The following ZNF444 variants were observed in gnomAD, a reference collection of about 807,000 sequenced individuals.
ZNF444 encodes the protein zinc finger protein 444, also known as endothelial zinc finger protein 2.
Under a neutral mutation model 14.4 loss-of-function variants are expected in ZNF444, and 8 were observed. The ratio of observed to expected loss-of-function variants is 0.56; its 90% CI spans 0.33 to 1.00. ZNF444 has a LOEUF of 1.00. Among genes scored for constraint, ZNF444 ranks in the 50% least tolerant of loss-of-function variants. The pLI, the probability that ZNF444 is intolerant of heterozygous loss-of-function variation, is 0.03. For missense variants in ZNF444, 510 were observed against 504.8 expected (o/e 1.01, Z -0.10); for synonymous variants, 258 against 235.9 (o/e 1.09, Z -0.86).
Position 56,160,254 on chromosome 19 carries a change from C to A in ZNF444, c.*53C>A. 1 of 1,351,686 alleles carries A rather than the reference C, an allele frequency of 7.4e-7. No individual in the cohort carries two copies. The highest frequency in any genetic ancestry group is 9.5e-7 in the Non-Finnish European group (1 of 1,047,248). The allele number at this position is 1,351,686 out of a possible 1,614,324, so 83.7% of individuals were successfully genotyped here. ...CCCTTGGTGCTGCCCCCGGGCGGTA[C>A]CTGCTCTCTCCCAGCGCCACTTGGC... On this transcript the variant is annotated 3_prime_UTR_variant, in exon 5 of 5. Coordinates refer to ENST00000337080, the MANE Select transcript of ZNF444 (RefSeq NM_018337.4).
At chr19:56,159,376 T>G (rs1438059129) in intron 4 of ZNF444, among the ~76,000 whole-genome samples, 1 of 151,966 alleles carries the variant, frequency 6.6e-6, no homozygotes, top group African/African-American at 2.4e-5. Context: ...ATTCTTCATC[T>G]ACCCACGCAT....
intron 1 of ZNF444, among the ~76,000 whole-genome samples, chr19:56,142,698 G>C (rs2030911703): frequency 6.6e-6 from 1 of 152,186 alleles, no homozygotes; most frequent in African/African-American, 2.4e-5. Context: ...AGGAGCTCTT[G>C]TTAGTCCTGT....
chr19:56,138,281 A>G (rs1430444755), upstream of ZNF444, among the ~76,000 whole-genome samples: 1 of 152,130 alleles, frequency 6.6e-6, no homozygotes, highest in Non-Finnish European at 1.5e-5. Context: ...GTCAGTCACA[A>G]AAAACAAATA....
At chr19:56,150,690 G>C (rs1413606276) in intron 3 of ZNF444, among the ~76,000 whole-genome samples, 2 of 152,254 alleles carry the variant, frequency 1.3e-5, no homozygotes, top group East Asian at 3.8e-4. Flanking sequence ...ATAAGAGCCT[G>C]GGCGATAGCC....
At chr19:56,133,737 C>T (rs189670760) in intron 1 of ZNF444, among the ~76,000 whole-genome samples, 8,346 of 148,370 alleles carry the variant, frequency 0.056, 344 homozygotes, top group Non-Finnish European at 0.085. Context: ...GGCGTGAACC[C>T]GGAAGGCGGA....
intron 3 of ZNF444, chr19:56,150,482 T>C (rs1454087505): frequency 2.7e-6 from 1 of 365,516 alleles, no homozygotes; most frequent in Non-Finnish European, 5.3e-6. Context: ...TACTCTCTCT[T>C]TTTAATAAGG....
chr19:56,150,630 T>C, intron 3 of ZNF444: 1 of 454,124 alleles, frequency 2.2e-6, no homozygotes, highest in Non-Finnish European at 4.4e-6. Flanking sequence ...TGATACAACA[T>C]GGTCTTAAGT....
chr19:56,132,939 T>TTTTTTC (rs2030519030), intron 1 of ZNF444, among the ~76,000 whole-genome samples: 2 of 119,924 alleles, frequency 1.7e-5, no homozygotes, highest in East Asian at 2.3e-4. Context: ...TTCTTTCTTT[T>TTTTTTC]TTTTTTTTTT....
intron 1 of ZNF444, chr19:56,132,813 C>G (rs1217379052): frequency 1.3e-5 from 2 of 152,202 alleles, no homozygotes; most frequent in African/African-American, 4.8e-5. Flanking sequence ...CCTGTAGGCC[C>G]TGCTCACTCT....
Position 56,159,873 on chromosome 19 carries a change from A to G in ZNF444, c.656A>G (p.Lys219Arg), listed in dbSNP as rs769145306. The change falls in exon 5 of 5, where the codon AAG becomes AGG. Residue 219 changes from lysine (K) to arginine (R), a missense_variant. Transcript: ENST00000337080. ...CPECGKAFRR[K>R]EHLRRHRDTH... ...GAGTGCGGGAAGGCCTTTCGGCGCA[A>G]GGAGCACCTGCGGCGCCACCGCGAC... 1 of 1,534,536 alleles carries G rather than the reference A, an allele frequency of 6.5e-7. No homozygotes were observed. Among genetic ancestry groups the G allele is most frequent in the South Asian group, 1.2e-5 (1 of 83,782 alleles).
At chr19:56,140,280 C>G (rs570405366), upstream of ZNF444, among the ~76,000 whole-genome samples, 15 of 151,698 alleles carry the variant, frequency 9.9e-5, 1 homozygote, top group East Asian at 5.8e-4. Context: ...ACGCTGCGGG[C>G]TGGGGTAGGG....
chr19:56,151,933 G>A (rs2031605905), intron 3 of ZNF444: 1 of 456,944 alleles, frequency 2.2e-6, no homozygotes, highest in South Asian at 1.5e-5. Flanking sequence ...GTCCTCGCCT[G>A]TCCTCAGAGT....
Position 56,144,531 on chromosome 19 carries a change from C to G in ZNF444, c.-196-1716C>G, listed in dbSNP as rs767726569. On this transcript the variant is annotated intron_variant, in intron 1 of 4. Transcript: ENST00000337080. The surrounding 1 kb of genome is among the most constrained non-coding windows in gnomAD (Gnocchi z 4.0). ...GTGATCACTGTGGAGTGATTTGGCT[C>G]TAGGTGGCGAGAGTAGGCATACACG... 6.6e-6 allele frequency among the ~76,000 whole-genome samples: 1 copy of G among 152,048 alleles called. No homozygotes were observed. The highest frequency in any genetic ancestry group is 1.5e-5 in the Non-Finnish European group (1 of 68,016).
chr19:56,153,245 C>A (rs1013869796), intron 3 of ZNF444, among the ~76,000 whole-genome samples: 3 of 152,150 alleles, frequency 2.0e-5, no homozygotes, highest in African/African-American at 7.2e-5. Context: ...AAATATATAG[C>A]CTTCTTGGCT....
intron 1 of ZNF444, among the ~76,000 whole-genome samples, chr19:56,132,930 TC>T (rs1168985240): frequency 1.1e-4 from 8 of 72,532 alleles, no homozygotes; most frequent in Non-Finnish European, 2.1e-4. Context: ...TTTCTTTCTT[TC>T]TTTCTTTTTT....
At position 56,160,063 on chromosome 19, in the gene ZNF444, G is replaced by A. The variant is rs774872693; in HGVS notation, c.846G>A (p.Glu282=). The change falls in exon 5 of 5, where the codon GAG becomes GAA. Residue 282 remains glutamate, a synonymous_variant. Coordinates refer to ENST00000337080, the MANE Select transcript of ZNF444 (RefSeq NM_018337.4). ...GAGCGCGGCCCTTTGCCTGCTGGGA[G>A]TGTGGCAAGGGCTTCGGGCGCCGCG... is the stretch of plus-strand genomic sequence containing the variant. The part of the protein sequence containing the change: ...HSGARPFACW[E]CGKGFGRREH... 6.6e-7 allele frequency: 1 copy of A among 1,506,198 alleles called. No homozygotes were observed. The allele number at this position is 1,506,198 out of a possible 1,614,324, so 93.3% of individuals were successfully genotyped here.
intron 3 of ZNF444, chr19:56,154,767 A>T (rs2031801456): frequency 6.8e-6 from 1 of 147,940 alleles, no homozygotes; most frequent in Non-Finnish European, 1.5e-5. Context: ...TCCTTAGGGG[A>T]TCCTCAGCAG....
chr19:56,140,328 T>TG, upstream of ZNF444, among the ~76,000 whole-genome samples: 1 of 152,114 alleles, frequency 6.6e-6, no homozygotes, highest in Middle Eastern at 3.4e-3. Flanking sequence ...ACTGTCTAGA[T>TG]AAAAACTTCA....
intron 4 of ZNF444, among the ~76,000 whole-genome samples, chr19:56,159,229 A>G (rs575484325): frequency 2.6e-5 from 4 of 151,546 alleles, no homozygotes; most frequent in Admixed American, 2.6e-4. Flanking sequence ...CCGTCCATCT[A>G]GTTATCCACC....
Sources: allele counts gnomAD v4.1 joint callset (sites outside exome capture counted in the v4.1 genomes callset), GRCh38; gene constraint gnomAD v4.1.1; non-coding constraint Gnocchi (gnomAD v3.1); transcripts MANE v1.5; gene names NCBI Gene and HGNC (gene_info 2026-07-23, HGNC 2026-07-21).